The following LRP1B variants were observed in gnomAD, a reference collection of about 807,000 sequenced individuals.
LRP1B encodes the protein LDL receptor related protein 1B, also known as low-density lipoprotein receptor-related protein 1B.
LRP1B carries 217 observed loss-of-function variants against 556.6 expected under a neutral mutation model. That is an observed-to-expected ratio of 0.39 (90% CI 0.35 to 0.44). The LOEUF (loss-of-function observed/expected upper bound fraction) is 0.44. Among genes scored for constraint, LRP1B ranks in the 20% least tolerant of loss-of-function variants. The pLI, the probability that LRP1B is intolerant of heterozygous loss-of-function variation, is 1.00. For missense variants in LRP1B, 5,053 were observed against 5,620.8 expected (o/e 0.90, Z 3.23); for synonymous variants, 2,047 against 1,865.8 (o/e 1.10, Z -2.50).
At chr2:141,592,814 A>G (rs544885789) in intron 2 of LRP1B, among the ~76,000 whole-genome samples, 15 of 152,304 alleles carry the variant, frequency 9.8e-5, no homozygotes, top group African/African-American at 3.6e-4. Context: ...TTACAAATAG[A>G]AAGAATCCTT....
chr2:140,558,821 A>T (rs895768263), intron 43 of LRP1B, among the ~76,000 whole-genome samples: 1 of 151,970 alleles, frequency 6.6e-6, no homozygotes, highest in African/African-American at 2.4e-5. Context: ...CTGTAGTTCC[A>T]GCTACTCAGG....
At chr2:140,238,062 C>G (rs2104880788) in intron 89 of LRP1B, 90 bp downstream of exon 89, 1 of 1,172,368 alleles carries the variant, frequency 8.5e-7, no homozygotes, top group Non-Finnish European at 1.2e-6. Flanking sequence ...CTTCAGATAA[C>G]AGAAAAACTT....
intron 29 of LRP1B, among the ~76,000 whole-genome samples, chr2:140,848,917 T>C (rs1027230013): frequency 1.4e-4 from 22 of 152,176 alleles, no homozygotes; most frequent in Non-Finnish European, 2.6e-4. Context: ...AAGTTACTCC[T>C]ATTTTTGTAA....
intron 3 of LRP1B, among the ~76,000 whole-genome samples, chr2:141,320,318 G>T (rs1687189824): frequency 6.6e-6 from 1 of 151,936 alleles, no homozygotes; most frequent in African/African-American, 2.4e-5. Context: ...TTCTTCATGA[G>T]TGCGCAGTAA....
chr2:141,943,145 A>G (rs1351251221), intron 1 of LRP1B, among the ~76,000 whole-genome samples: 2 of 152,180 alleles, frequency 1.3e-5, no homozygotes, highest in Non-Finnish European at 2.9e-5. Flanking sequence ...AGAAATTTAA[A>G]TGCTGTATTA....
At chr2:141,044,464 A>T (rs1402423369) in intron 11 of LRP1B, among the ~76,000 whole-genome samples, 2 of 150,768 alleles carry the variant, frequency 1.3e-5, no homozygotes, top group Non-Finnish European at 3.0e-5. Flanking sequence ...AAAAGAAACT[A>T]CCATCAGAGT....
rs552933782 is a variant in LRP1B, at chr2:141,794,009, T to C, written c.205+16270A>G. On this transcript the variant is annotated intron_variant, in intron 2 of 90. Transcript: ENST00000389484. The stretch of plus-strand genomic sequence containing the variant: ...GTTAAGACAAAATAACACAATAAAT[T>C]TAAAAACAATAAAATGCATTGAAAG... Among the ~76,000 whole-genome samples the C allele has an allele frequency of 3.3e-5, 5 of 152,032 alleles. No individual in the cohort carries two copies. The East Asian group carries it at 9.6e-4, about 29-fold the overall frequency.
chr2:141,244,097 G>A (rs1190869460), intron 5 of LRP1B, among the ~76,000 whole-genome samples: 1 of 152,174 alleles, frequency 6.6e-6, no homozygotes, highest in African/African-American at 2.4e-5. Flanking sequence ...ACTGTTCTAT[G>A]TTGCACTAGT....
At chr2:140,775,421 T>C (rs976733490) in intron 33 of LRP1B, among the ~76,000 whole-genome samples, 1 of 150,870 alleles carries the variant, frequency 6.6e-6, no homozygotes, top group African/African-American at 2.4e-5. Context: ...AGGATTTTCA[T>C]GGAAGAGACT....
At chr2:141,996,715 C>CG (rs952211931) in intron 1 of LRP1B, among the ~76,000 whole-genome samples, 4 of 144,160 alleles carry the variant, frequency 2.8e-5, no homozygotes, top group South Asian at 2.4e-4. Flanking sequence ...TTTTTCTTTC[C>CG]CCCCCCCTAC....
intron 1 of LRP1B, among the ~76,000 whole-genome samples, chr2:141,818,531 CTTTTTTTTTTTT>C (rs70994453): frequency 1.2e-5 from 1 of 82,070 alleles, no homozygotes; most frequent in Admixed American, 1.7e-4. Context: ...ATTTCTGTAT[CTTTTTTTTTTTT>C]TTTTTTTTTT....
chr2:140,882,660 C>A (rs1465101157), intron 25 of LRP1B, among the ~76,000 whole-genome samples: 2 of 152,172 alleles, frequency 1.3e-5, no homozygotes, highest in Non-Finnish European at 2.9e-5. Flanking sequence ...ATTTCTGAGT[C>A]AAAATTGAGG....
chr2:142,092,028 C>T (rs918046612), intron 1 of LRP1B, among the ~76,000 whole-genome samples: 4 of 152,176 alleles, frequency 2.6e-5, no homozygotes, highest in Non-Finnish European at 4.4e-5. Flanking sequence ...AACAAGAGGA[C>T]GAACACTCAC....
At chr2:141,338,163 G>A (rs989615063) in intron 3 of LRP1B, among the ~76,000 whole-genome samples, 2 of 152,134 alleles carry the variant, frequency 1.3e-5, no homozygotes, top group Non-Finnish European at 2.9e-5. Flanking sequence ...GGTTGATATT[G>A]TATTAGCTCG....
intron 35 of LRP1B, among the ~76,000 whole-genome samples, chr2:140,748,111 AT>A (rs1559093558): frequency 8.9e-4 from 115 of 129,206 alleles, no homozygotes; most frequent in Non-Finnish European, 1.4e-3. Context: ...ATATATATAT[AT>A]ATATATATAT....
At chr2:140,700,221 C>T in intron 41 of LRP1B, 29 bp downstream of exon 41, 7 of 1,570,982 alleles carry the variant, frequency 4.5e-6, no homozygotes, top group Non-Finnish European at 6.1e-6. Flanking sequence ...CTCATTTCCA[C>T]CTATTTAAAA....
intron 66 of LRP1B, among the ~76,000 whole-genome samples, chr2:140,437,464 T>C (rs1435891369): frequency 6.6e-6 from 1 of 152,208 alleles, no homozygotes; most frequent in Non-Finnish European, 1.5e-5. Flanking sequence ...AGTCAAAATA[T>C]AGTACATGTA....
chr2:140,901,667 C>T (rs563187283), intron 23 of LRP1B, among the ~76,000 whole-genome samples: 1 of 151,866 alleles, frequency 6.6e-6, no homozygotes, highest in African/African-American at 2.4e-5. Flanking sequence ...TTTTAAAGTG[C>T]AAAAACAATA....
chr2:140,666,909 C>T (rs1462656983), intron 41 of LRP1B, among the ~76,000 whole-genome samples: 2 of 152,134 alleles, frequency 1.3e-5, no homozygotes, highest in African/African-American at 4.8e-5. Context: ...ACACATTCTC[C>T]CTAAAGTACC....
Sources: gnomAD v4.1 joint callset for allele counts (sites outside exome capture counted in the v4.1 genomes callset) on GRCh38, gnomAD v4.1.1 for gene constraint, MANE v1.5 for transcripts, NCBI Gene and HGNC (gene_info 2026-07-23, HGNC 2026-07-21) for gene names.